Variants in FGF2 observed in about 807,000 individuals in gnomAD.
FGF2 encodes fibroblast growth factor 2.
In FGF2, 13 loss-of-function variants were observed where a neutral mutation model predicts 15.9. That is an observed-to-expected ratio of 0.82 (90% CI 0.53 to 1.30). The LOEUF is 1.30. Ranked by LOEUF, FGF2 falls within the 50% of genes most tolerant of loss-of-function variation. FGF2 has a pLI of 0.00. For missense variants in FGF2, 163 were observed against 196.9 expected (o/e 0.83, Z 1.03); for synonymous variants, 90 against 78.4 (o/e 1.15, Z -0.78).
intron 2 of FGF2, among the ~76,000 whole-genome samples, chr4:122,879,065 G>A (rs1197042725): frequency 6.6e-6 from 1 of 152,200 alleles, no homozygotes; most frequent in African/African-American, 2.4e-5. Context: ...CATATAGGTG[G>A]TAGTTAAATT....
chr4:122,852,202 A>G (rs761874983), intron 1 of FGF2, among the ~76,000 whole-genome samples: 2 of 152,200 alleles, frequency 1.3e-5, no homozygotes, highest in African/African-American at 2.4e-5. Context: ...TTCCCCTGGT[A>G]TAATTTAGAA....
In FGF2 at chr4:122,827,329, T is replaced by C. The variant is rs1389325875; in HGVS notation, c.155T>C (p.Val52Ala). Residue 52 changes from valine to alanine, a missense_variant, in exon 1 of 3, where the codon GTC becomes GCC. By Grantham distance (64) the Val-to-Ala change is moderately conservative (BLOSUM62 0). Transcript: ENST00000644866. The surrounding 1 kb of genome is among the most constrained non-coding windows in gnomAD (Gnocchi z 4.2). ...CACCCCGACGGCCGAGTTGACGGGG[T>C]CCGGGAGAAGAGCGACCCTCACAGT... Reference protein sequence around the residue: ...RIHPDGRVDGVREKSDPHIKL... With the variant: ...RIHPDGRVDGAREKSDPHIKL... 6.2e-7 allele frequency: 1 copy of C among 1,612,608 alleles called. No homozygotes were observed. The highest frequency in any genetic ancestry group is 1.7e-5 in the Admixed American group (1 of 59,996).
intron 2 of FGF2, among the ~76,000 whole-genome samples, chr4:122,880,245 C>CTTTT (rs569559456): frequency 2.3e-5 from 3 of 128,674 alleles, no homozygotes; most frequent in East Asian, 2.2e-4. Flanking sequence ...GCAGTCAAAT[C>CTTTT]TTTTTTTTTT....
At chr4:122,890,936 T>G (rs1727161786) in intron 2 of FGF2, among the ~76,000 whole-genome samples, 1 of 152,158 alleles carries the variant, frequency 6.6e-6, no homozygotes, top group African/African-American at 2.4e-5. Flanking sequence ...TTTTTCCTTT[T>G]GAAGTGAATA....
intron 1 of FGF2, among the ~76,000 whole-genome samples, chr4:122,852,631 T>C (rs1192501307): frequency 6.6e-6 from 1 of 152,194 alleles, no homozygotes; most frequent in East Asian, 1.9e-4. Flanking sequence ...AAACTGACTA[T>C]CCTCATTTTA....
intron 2 of FGF2, among the ~76,000 whole-genome samples, chr4:122,880,386 A>G (rs898097861): frequency 6.6e-6 from 1 of 151,718 alleles, no homozygotes; most frequent in African/African-American, 2.4e-5. Context: ...AGCTGAGACT[A>G]TAGGCACCCG....
chr4:122,885,631 T>C (rs1727040660), intron 2 of FGF2, among the ~76,000 whole-genome samples: 1 of 152,202 alleles, frequency 6.6e-6, no homozygotes, highest in Non-Finnish European at 1.5e-5. Flanking sequence ...AGTTTCACTT[T>C]TATTAACATC....
intron 1 of FGF2, among the ~76,000 whole-genome samples, chr4:122,839,851 C>T (rs1266226827): frequency 2.0e-5 from 3 of 152,112 alleles, no homozygotes; most frequent in East Asian, 3.9e-4. Flanking sequence ...CTGGGTGGCT[C>T]GAACAATAGA....
intron 1 of FGF2, among the ~76,000 whole-genome samples, chr4:122,866,367 CA>C (rs60127443): frequency 1.4e-4 from 18 of 132,172 alleles, no homozygotes; most frequent in South Asian, 2.7e-4. Flanking sequence ...GACTCCGTCT[CA>C]AAAAAAAAAA....
At chr4:122,853,934 A>G (rs528282049) in intron 1 of FGF2, among the ~76,000 whole-genome samples, 2 of 152,358 alleles carry the variant, frequency 1.3e-5, no homozygotes, top group African/African-American at 4.8e-5. Flanking sequence ...TATCTTCACT[A>G]TTAAAAATAG....
At chr4:122,829,765 A>G (rs573716921) in intron 1 of FGF2, among the ~76,000 whole-genome samples, 2 of 152,338 alleles carry the variant, frequency 1.3e-5, no homozygotes, top group Non-Finnish European at 2.9e-5. Flanking sequence ...TACCTGTACC[A>G]GGCAATAGAC....
intron 1 of FGF2, chr4:122,840,665 C>T (rs187545695): frequency 6.6e-4 from 127 of 192,642 alleles, no homozygotes; most frequent in Middle Eastern, 2.9e-3. Context: ...GGTGCTGCCC[C>T]ACGACCTCCA....
Position 122,877,356 on chromosome 4 carries a change from G to A in FGF2, c.282+932G>A, listed in dbSNP as rs145201231. Among the ~76,000 whole-genome samples, 1,385 of 152,238 alleles carry A rather than the reference G, an allele frequency of 9.1e-3. 9 individuals are homozygous for A. Among genetic ancestry groups the A allele is most frequent in the Non-Finnish European group, 0.014 (951 of 68,002 alleles). On this transcript the variant is annotated intron_variant, in intron 2 of 2. Coordinates refer to ENST00000644866, the MANE Select transcript of FGF2 (RefSeq NM_001361665.2). ...CTGAACTTCTGACCTCAGGTGATCC[G>A]CCTGCCTTGGCCTCCCAAAGTGCTG...
Position 122,826,957 on chromosome 4 carries a change from G to C in FGF2, c.-218G>C. On this transcript the variant is annotated 5_prime_UTR_variant, in exon 1 of 3. Coordinates refer to ENST00000644866, the MANE Select transcript of FGF2 (RefSeq NM_001361665.2). ...GTGAACCCCAGGTCCCGGGCCGCCG[G>C]CTCGCCGCGCACCAGGGGCCGGCGG... The C allele has an allele frequency of 5.9e-6, 8 of 1,347,154 alleles. No individual in the cohort carries two copies. Among genetic ancestry groups the C allele is most frequent in the Non-Finnish European group, 7.7e-6 (8 of 1,044,274 alleles). 83.5% of individuals were successfully genotyped at this position (1,347,154 alleles called of 1,614,324 possible). A position where few individuals can be genotyped will look rare whatever the true frequency, so the allele number is the denominator to read the frequency against.
intron 1 of FGF2, among the ~76,000 whole-genome samples, chr4:122,850,776 A>C (rs1043733262): frequency 1.3e-5 from 2 of 152,136 alleles, no homozygotes; most frequent in African/African-American, 4.8e-5. Context: ...GAGCAAAAAA[A>C]CCAACATGAC....
At position 122,897,092 on chromosome 4, in the gene FGF2, A is replaced by G. The variant is rs45594531; in HGVS notation, c.*4696A>G. On this transcript the variant is annotated 3_prime_UTR_variant, in exon 3 of 3. Transcript: ENST00000644866. ...TATTTCTCAGTTGAGACTTTCTTAT[A>G]TGACATTTTACTATGTTTTGACTAC... is the stretch of plus-strand genomic sequence containing the variant. 0.022 allele frequency: 3,313 copies of G among 152,484 alleles called. 61 individuals are homozygous for G. The highest frequency in any genetic ancestry group is 0.036 in the Non-Finnish European group (2,425 of 68,152). The allele number at this position is 152,484 out of a possible 1,614,324, so 9.4% of individuals were successfully genotyped here.
intron 1 of FGF2, among the ~76,000 whole-genome samples, chr4:122,866,902 A>G (rs1726608061): frequency 6.6e-6 from 1 of 152,244 alleles, no homozygotes; most frequent in Admixed American, 6.5e-5. Flanking sequence ...AACGTTATTT[A>G]CGTAGCCAAA....
chr4:122,863,063 T>TA (rs1270418826), intron 1 of FGF2, among the ~76,000 whole-genome samples: 1 of 152,202 alleles, frequency 6.6e-6, no homozygotes, highest in African/African-American at 2.4e-5. Flanking sequence ...AAATCACGTT[T>TA]AAAAATTTGT....
intron 1 of FGF2, among the ~76,000 whole-genome samples, chr4:122,861,202 A>AT (rs1241374861): frequency 6.6e-6 from 1 of 152,200 alleles, no homozygotes; most frequent in Non-Finnish European, 1.5e-5. Flanking sequence ...GGGATTAGGC[A>AT]CAGCCTGCAC....
Sources: gnomAD v4.1 joint callset for allele counts (sites outside exome capture counted in the v4.1 genomes callset) on GRCh38, gnomAD v4.1.1 for gene constraint, Gnocchi (gnomAD v3.1) non-coding constraint, MANE v1.5 for transcripts, NCBI Gene and HGNC (gene_info 2026-07-23, HGNC 2026-07-21) for gene names.